Variants in BMPR1B observed in about 807,000 individuals in gnomAD.
BMPR1B encodes bone morphogenetic protein receptor type-1B.
A neutral mutation model predicts 59.1 loss-of-function variants in BMPR1B; 12 were observed. That is an observed-to-expected ratio of 0.20 (90% CI 0.13 to 0.33). The LOEUF is 0.33. Ranked by LOEUF, BMPR1B falls within the 10% of genes least tolerant of loss-of-function variation. The pLI is 1.00. For synonymous variants in BMPR1B, 237 were observed against 207.3 expected (o/e 1.14, Z -1.23); for missense variants, 550 against 610.9 (o/e 0.90, Z 1.05).
intron 1 of BMPR1B, among the ~76,000 whole-genome samples, chr4:94,852,772 A>C (rs539532250): frequency 2.0e-5 from 3 of 152,288 alleles, no homozygotes; most frequent in African/African-American, 7.2e-5. Context: ...ATACTTGCCA[A>C]TTGATCTTCC....
chr4:94,883,162 A>C (rs969956603), intron 2 of BMPR1B, among the ~76,000 whole-genome samples: 1 of 152,144 alleles, frequency 6.6e-6, no homozygotes, highest in Non-Finnish European at 1.5e-5. Flanking sequence ...CACTGATGAG[A>C]GAACTGTATC....
intron 9 of BMPR1B, among the ~76,000 whole-genome samples, 191 bp from the exon 10 acceptor site, chr4:95,131,024 C>G (rs1359132137): frequency 6.6e-6 from 1 of 152,098 alleles, no homozygotes; most frequent in African/African-American, 2.4e-5. Context: ...GCCACTGTGC[C>G]TAGCCTTACT....
chr4:94,886,928 G>A (rs115666526), intron 2 of BMPR1B, among the ~76,000 whole-genome samples: 2,043 of 152,258 alleles, frequency 0.013, 38 homozygotes, highest in African/African-American at 0.042. Context: ...AAACTGGGAA[G>A]ATGGGATGAA....
intron 3 of BMPR1B, among the ~76,000 whole-genome samples, chr4:95,089,679 T>C (rs1407391850): frequency 6.6e-6 from 1 of 152,116 alleles, no homozygotes; most frequent in East Asian, 1.9e-4. Flanking sequence ...AGATTGAAGA[T>C]AACACAATTA....
intron 8 of BMPR1B, among the ~76,000 whole-genome samples, chr4:95,129,429 C>T (rs1180005296): frequency 6.6e-6 from 1 of 151,080 alleles, no homozygotes; most frequent in Non-Finnish European, 1.5e-5. Flanking sequence ...ATATAGATTT[C>T]CTTTATTTCT....
intron 2 of BMPR1B, among the ~76,000 whole-genome samples, chr4:94,903,642 T>A (rs961243809): frequency 2.6e-5 from 4 of 152,024 alleles, no homozygotes; most frequent in African/African-American, 4.8e-5. Context: ...CCTTATAATT[T>A]ATACGTTGAA....
At chr4:94,849,668 G>A (rs1349329045) in intron 1 of BMPR1B, among the ~76,000 whole-genome samples, 1 of 151,982 alleles carries the variant, frequency 6.6e-6, no homozygotes, top group African/African-American at 2.4e-5. Flanking sequence ...AGGGACAGGG[G>A]GATGGGCTCA....
chr4:94,894,687 A>T (rs905115486), intron 2 of BMPR1B, among the ~76,000 whole-genome samples: 1 of 151,976 alleles, frequency 6.6e-6, no homozygotes, highest in Non-Finnish European at 1.5e-5. Flanking sequence ...ATATCTTTTG[A>T]TCATTTTTCT....
intron 8 of BMPR1B, among the ~76,000 whole-genome samples, chr4:95,127,182 TTA>T (rs1396861282): frequency 1.1e-4 from 17 of 152,092 alleles, no homozygotes; most frequent in Non-Finnish European, 1.5e-5. Context: ...GAAAGTACAG[TTA>T]TAGTCATTGT....
At chr4:94,789,424 T>C (rs1722891311) in intron 1 of BMPR1B, among the ~76,000 whole-genome samples, 1 of 152,206 alleles carries the variant, frequency 6.6e-6, no homozygotes, top group South Asian at 2.1e-4. Context: ...GGTTCTCATC[T>C]CCTTTGAAAA....
chr4:95,139,736 T>G lies in BMPR1B; in HGVS notation c.1076+8224T>G, dbSNP rs181167558. On this transcript the variant is annotated intron_variant, in intron 10 of 12. Transcript: ENST00000515059. ...GCCGGGCGTGGGACCCTCGGAGCCA[T>G]GCGCGGGATATAATCTCCTGGTGTG... Among the ~76,000 whole-genome samples, 693 of 152,174 alleles carry G rather than the reference T, an allele frequency of 4.6e-3. 4 individuals are homozygous for G. Among genetic ancestry groups the G allele is most frequent in the African/African-American group, 0.016 (662 of 41,564 alleles).
Position 95,034,404 on chromosome 4 carries a change from G to A in BMPR1B, c.-18+38270G>A, listed in dbSNP as rs538001164. 2.8e-3 allele frequency among the ~76,000 whole-genome samples: 423 copies of A among 151,906 alleles called. 1 individual carries two copies. The highest frequency in any genetic ancestry group is 9.5e-3 in the African/African-American group (393 of 41,440). On this transcript the variant is annotated intron_variant, in intron 3 of 12. Coordinates refer to ENST00000515059, the MANE Select transcript of BMPR1B (RefSeq NM_001203.3). The stretch of plus-strand genomic sequence containing the variant: ...TACCTGAGCAGTGTACACTGTACCC[G>A]GTGTGTAGTCTTTTATCCCTCACCC...
chr4:94,759,278 GT>G (rs1197108913), intron 1 of BMPR1B, among the ~76,000 whole-genome samples: 6 of 152,188 alleles, frequency 3.9e-5, no homozygotes, highest in African/African-American at 1.2e-4. Context: ...GAAGAGAGCC[GT>G]TTCACTACCT....
rs931222396 is a variant in BMPR1B at position 94,935,271 on chromosome 4, A to G, written c.-113+59371A>G. ...ATTAGCCTGTCAATTTATGGAATATATATGTCTCTGGATCTTGTGAACTCA... is the reference window on the plus strand; with the variant it reads ...ATTAGCCTGTCAATTTATGGAATATGTATGTCTCTGGATCTTGTGAACTCA... On this transcript the variant is annotated intron_variant, in intron 2 of 12. Transcript: ENST00000515059. 5.9e-5 allele frequency among the ~76,000 whole-genome samples: 9 copies of G among 152,266 alleles called. 1 individual carries two copies. Among genetic ancestry groups the G allele is most frequent in the African/African-American group, 1.9e-4 (8 of 41,562 alleles).
chr4:94,963,271 A>G (rs549284002), intron 2 of BMPR1B, among the ~76,000 whole-genome samples: 4 of 151,708 alleles, frequency 2.6e-5, no homozygotes, highest in African/African-American at 9.7e-5. Flanking sequence ...TAGTTTATAA[A>G]TTTTTTTTGC....
At chr4:95,132,079 G>T (rs960951630) in intron 10 of BMPR1B, among the ~76,000 whole-genome samples, 1 of 152,162 alleles carries the variant, frequency 6.6e-6, no homozygotes, top group Non-Finnish European at 1.5e-5. Context: ...CTTCTTCACA[G>T]TAGGGAGGGG....
intron 1 of BMPR1B, among the ~76,000 whole-genome samples, chr4:94,828,979 G>A (rs971892901): frequency 2.7e-5 from 4 of 146,514 alleles, no homozygotes; most frequent in Non-Finnish European, 4.5e-5. Flanking sequence ...GTGTGTGTGA[G>A]AGAAGTCATT....
intron 1 of BMPR1B, among the ~76,000 whole-genome samples, chr4:94,787,575 A>G (rs989601480): frequency 2.0e-5 from 3 of 152,182 alleles, no homozygotes; most frequent in Non-Finnish European, 2.9e-5. Context: ...ATATATTTCC[A>G]TAGCTCTTCA....
intron 10 of BMPR1B, among the ~76,000 whole-genome samples, chr4:95,144,001 A>ATT (rs80236648): frequency 1.5e-4 from 22 of 143,536 alleles, no homozygotes; most frequent in African/African-American, 4.3e-4. Flanking sequence ...ATTTCTCCCA[A>ATT]TTTTTTTTTT....
Sources: allele counts gnomAD v4.1 joint callset (sites outside exome capture counted in the v4.1 genomes callset), GRCh38; gene constraint gnomAD v4.1.1; transcripts MANE v1.5; gene names NCBI Gene and HGNC (gene_info 2026-07-23, HGNC 2026-07-21).